Variants in GHR observed in about 807,000 individuals in gnomAD.
The protein encoded by GHR is growth hormone receptor.
Under a neutral mutation model 67.1 loss-of-function variants are expected in GHR, and 35 were observed. That is an observed-to-expected ratio of 0.52 (90% CI 0.40 to 0.69). GHR has a LOEUF of 0.69. Among genes scored for constraint, GHR ranks in the 30% least tolerant of loss-of-function variants. GHR has a pLI of 0.00. For synonymous variants in GHR, 272 were observed against 269.1 expected (o/e 1.01, Z -0.10); for missense variants, 792 against 764.6 (o/e 1.04, Z -0.42).
intron 1 of GHR, among the ~76,000 whole-genome samples, chr5:42,560,708 A>C (rs946889295): frequency 2.0e-5 from 3 of 152,060 alleles, no homozygotes; most frequent in Non-Finnish European, 4.4e-5. Context: ...TTGCCTTAAA[A>C]CACCAAGTAT....
intron 3 of GHR, among the ~76,000 whole-genome samples, chr5:42,654,505 A>G (rs1466408035): frequency 6.6e-6 from 1 of 152,134 alleles, no homozygotes; most frequent in Non-Finnish European, 1.5e-5. Flanking sequence ...ACCAAATCTT[A>G]TAACATGAAT....
chr5:42,450,601 TTTG>T (rs957285906), intron 1 of GHR, among the ~76,000 whole-genome samples: 6 of 152,090 alleles, frequency 3.9e-5, no homozygotes, highest in South Asian at 2.1e-4. Context: ...CTTTTGCATT[TTTG>T]TTGTTGTTGT....
chr5:42,606,754 T>C lies in GHR; in HGVS notation c.71-22284T>C, dbSNP rs538423822. Among the ~76,000 whole-genome samples, 99 of 152,254 alleles carry C rather than the reference T, an allele frequency of 6.5e-4. 1 individual carries two copies. The South Asian group carries it at 0.02, about 31-fold the overall frequency. On this transcript the variant is annotated intron_variant, in intron 2 of 9. Coordinates refer to ENST00000230882, the MANE Select transcript of GHR (RefSeq NM_000163.5). ...TTAGACTATGTAGAACTTTAATCCT[T>C]GGGCAGCAGCTGGGAAAGTGCAATA... is the stretch of plus-strand genomic sequence containing the variant.
chr5:42,696,604 G>T (rs1757685505), intron 5 of GHR, among the ~76,000 whole-genome samples: 1 of 152,168 alleles, frequency 6.6e-6, no homozygotes. Context: ...GTCCCAACAT[G>T]TTCAGGGACT....
At chr5:42,606,632 ACACCTCCCACAAGGTC>A (rs1368091062) in intron 2 of GHR, among the ~76,000 whole-genome samples, 2 of 152,274 alleles carry the variant, frequency 1.3e-5, no homozygotes, top group East Asian at 3.9e-4. Flanking sequence ...TATGACCCAG[ACACCTCCCACAAGGTC>A]CACCTCCCAC....
chr5:42,484,003 A>T (rs551875786), intron 1 of GHR, among the ~76,000 whole-genome samples: 1 of 152,110 alleles, frequency 6.6e-6, no homozygotes, highest in East Asian at 1.9e-4. Flanking sequence ...ACTGAATAAT[A>T]CTTGCTGTCC....
chr5:42,551,297 A>G (rs1749018642), intron 1 of GHR, among the ~76,000 whole-genome samples: 3 of 151,488 alleles, frequency 2.0e-5, no homozygotes, highest in African/African-American at 7.3e-5. Flanking sequence ...AGTAAAGGTT[A>G]AAAAAAAACA....
At chr5:42,619,884 G>A (rs1310294372) in intron 2 of GHR, 1 of 152,108 alleles carries the variant, frequency 6.6e-6, no homozygotes, top group Non-Finnish European at 1.5e-5. Context: ...CAAGATCTAT[G>A]AATTTGCCAA....
chr5:42,424,395 GC>G lies in GHR; in HGVS notation c.-12+441del. 1.7e-6 allele frequency: 1 copy of G among 598,970 alleles called. No homozygotes were observed. The highest frequency in any genetic ancestry group is 2.8e-5 in the East Asian group (1 of 36,086). The allele number at this position is 598,970 out of a possible 1,614,324, so 37.1% of individuals were successfully genotyped here. The stretch of plus-strand genomic sequence containing the variant: ...GTTTGCCATCATCTGCCTGGCTGCG[GC>G]AGGAACTGCCGAGGCTGCTGCTGTT... On this transcript the variant is annotated intron_variant, in intron 1 of 9. Coordinates refer to ENST00000230882, the MANE Select transcript of GHR (RefSeq NM_000163.5). The surrounding 1 kb of genome is among the most constrained non-coding windows in gnomAD (Gnocchi z 4.1).
chr5:42,476,547 T>A (rs1745330688), intron 1 of GHR, among the ~76,000 whole-genome samples: 1 of 152,204 alleles, frequency 6.6e-6, no homozygotes, highest in Non-Finnish European at 1.5e-5. Context: ...AGCAAATTCT[T>A]AAAAATAATG....
chr5:42,623,734 G>C (rs184629931), intron 2 of GHR, among the ~76,000 whole-genome samples: 1 of 152,288 alleles, frequency 6.6e-6, no homozygotes, highest in African/African-American at 2.4e-5. Flanking sequence ...GAGGCCAGGG[G>C]CTGCAGCTAG....
At chr5:42,601,564 C>T (rs532728151) in intron 2 of GHR, among the ~76,000 whole-genome samples, 4 of 152,220 alleles carry the variant, frequency 2.6e-5, no homozygotes, top group Admixed American at 2.0e-4. Context: ...TAAGAAACTG[C>T]AGTTCAAAAC....
At chr5:42,636,105 G>A (rs912354985) in intron 3 of GHR, among the ~76,000 whole-genome samples, 10 of 151,352 alleles carry the variant, frequency 6.6e-5, no homozygotes, top group African/African-American at 2.4e-4. Flanking sequence ...AGCTACTTGG[G>A]AGGCTGAGGC....
rs114107591 is a variant in GHR, at chr5:42,626,047, C to T, written c.71-2991C>T. 4.6e-3 allele frequency among the ~76,000 whole-genome samples: 695 copies of T among 152,156 alleles called. 6 individuals are homozygous for T. Among genetic ancestry groups the T allele is most frequent in the African/African-American group, 0.016 (667 of 41,516 alleles). On this transcript the variant is annotated intron_variant, in intron 2 of 9. Coordinates refer to ENST00000230882, the MANE Select transcript of GHR (RefSeq NM_000163.5). ...ACCCATGGTTTGTAGGGCATGACTC[C>T]CCAGAACCCTTAGGTAGGAATTTGG...
intron 1 of GHR, among the ~76,000 whole-genome samples, chr5:42,477,517 T>C (rs1047375975): frequency 3.2e-4 from 48 of 152,336 alleles, no homozygotes; most frequent in African/African-American, 1.1e-3. Context: ...AAAGTGTTCC[T>C]ATTTCTCCAC....
intron 1 of GHR, among the ~76,000 whole-genome samples, chr5:42,507,259 T>G (rs1746818247): frequency 6.6e-6 from 1 of 152,364 alleles, no homozygotes; most frequent in East Asian, 1.9e-4. Context: ...CATTAGTCGT[T>G]GTAAGTATCC....
chr5:42,429,006 T>G (rs1170693763), intron 1 of GHR, among the ~76,000 whole-genome samples: 1 of 152,186 alleles, frequency 6.6e-6, no homozygotes, highest in Non-Finnish European at 1.5e-5. Context: ...TCCACATTTT[T>G]GGGTATCTTT....
intron 1 of GHR, among the ~76,000 whole-genome samples, chr5:42,534,770 C>G (rs1748181407): frequency 6.6e-6 from 1 of 152,084 alleles, no homozygotes; most frequent in Non-Finnish European, 1.5e-5. Flanking sequence ...AGTTTACATT[C>G]CCACCAGCAG....
intron 6 of GHR, among the ~76,000 whole-genome samples, chr5:42,710,905 C>CTAA (rs1348750312): frequency 6.6e-6 from 1 of 152,068 alleles, no homozygotes; most frequent in East Asian, 1.9e-4. Flanking sequence ...CAGAGTAATT[C>CTAA]TAATATACTT....
Sources: gnomAD v4.1 joint callset for allele counts (sites outside exome capture counted in the v4.1 genomes callset) on GRCh38, gnomAD v4.1.1 for gene constraint, Gnocchi (gnomAD v3.1) non-coding constraint, MANE v1.5 for transcripts, NCBI Gene and HGNC (gene_info 2026-07-23, HGNC 2026-07-21) for gene names.